The following FRAS1 variants were observed in gnomAD, a reference collection of about 807,000 sequenced individuals.
FRAS1 encodes Fraser extracellular matrix complex subunit 1.
In FRAS1, 290 loss-of-function variants were observed where a neutral mutation model predicts 435.2. The ratio of observed to expected loss-of-function variants is 0.67; its 90% CI spans 0.61 to 0.73. FRAS1 has a LOEUF of 0.73. Among genes scored for constraint, FRAS1 ranks in the 30% least tolerant of loss-of-function variants. The pLI is 0.00. For synonymous variants in FRAS1, 1,800 were observed against 1,851.0 expected (o/e 0.97, Z 0.71); for missense variants, 4,860 against 5,001.5 (o/e 0.97, Z 0.85).
Position 78,363,987 on chromosome 4 carries a change from CCACACTGG to C in FRAS1, c.2659_2666del (p.Thr887LeufsTer12). On this transcript the variant is annotated frameshift_variant, in exon 22 of 74. Coordinates refer to ENST00000512123, the MANE Select transcript of FRAS1 (RefSeq NM_025074.7). LOFTEE classifies it high-confidence loss of function. ...CATGTGACACCAACCTCGTGCTGTC[CCACACTGG>C]CACCTGCAGCACCACCTGCTTCCCT... is the stretch of plus-strand genomic sequence containing the variant. The C allele has an allele frequency of 6.2e-7, 1 of 1,611,208 alleles. No homozygotes were observed. Among genetic ancestry groups the C allele is most frequent in the Admixed American group, 1.7e-5 (1 of 59,706 alleles).
chr4:78,444,219 T>A (rs537389480), intron 41 of FRAS1: 13 of 450,196 alleles, frequency 2.9e-5, no homozygotes, highest in African/African-American at 2.4e-4. Context: ...GTGATAAATT[T>A]AAGAAAAAAG....
intron 1 of FRAS1, among the ~76,000 whole-genome samples, chr4:78,058,752 C>A (rs1037957232): frequency 6.6e-6 from 1 of 152,202 alleles, no homozygotes; most frequent in African/African-American, 2.4e-5. Flanking sequence ...AGGCTCCAAG[C>A]TACCTGTAAA....
intron 2 of FRAS1, among the ~76,000 whole-genome samples, chr4:78,111,956 T>A (rs1277162864): frequency 6.6e-6 from 1 of 152,042 alleles, no homozygotes; most frequent in Admixed American, 6.6e-5. Context: ...TAGGCAAAGA[T>A]CCCAGATTAG....
chr4:78,089,084 G>T (rs1318942935), intron 2 of FRAS1, among the ~76,000 whole-genome samples: 1 of 152,004 alleles, frequency 6.6e-6, no homozygotes, highest in East Asian at 1.9e-4. Context: ...ATACACCATG[G>T]AATACTATGC....
chr4:78,492,473 G>A (rs1034335960), intron 59 of FRAS1, among the ~76,000 whole-genome samples: 1 of 151,984 alleles, frequency 6.6e-6, no homozygotes, highest in African/African-American at 2.4e-5. Flanking sequence ...CAGAACAGAG[G>A]CCTCAGAAAT....
In FRAS1 at chr4:78,496,953, A is replaced by G; in HGVS notation, c.9107A>G (p.Asp3036Gly). The G allele has an allele frequency of 6.2e-7, 1 of 1,612,490 alleles. No homozygotes were observed. Among genetic ancestry groups the G allele is most frequent in the Non-Finnish European group, 8.5e-7 (1 of 1,178,780 alleles). ...ATGGCCACCATCACCATATCCAATG[A>G]TGAAGATGGTAACAGAAGAAATTAT... ...NNMATITISN[D>G]EDAPTIEFEE... The change falls in exon 60 of 74, where the codon GAT (aspartate) becomes GGT (glycine). Residue 3036 changes from aspartate to glycine, a missense_variant. Physicochemically the swap from Asp to Gly is moderately conservative, Grantham distance 94. Coordinates refer to ENST00000512123, the MANE Select transcript of FRAS1 (RefSeq NM_025074.7).
At chr4:78,233,071 C>T (rs934744273) in intron 2 of FRAS1, among the ~76,000 whole-genome samples, 10 of 152,340 alleles carry the variant, frequency 6.6e-5, no homozygotes, top group African/African-American at 2.2e-4. Context: ...AAGCCAAGTC[C>T]AGCGACTGAG....
At chr4:78,493,949 T>C (rs980184866) in intron 59 of FRAS1, among the ~76,000 whole-genome samples, 13 of 152,170 alleles carry the variant, frequency 8.5e-5, no homozygotes, top group African/African-American at 3.1e-4. Flanking sequence ...GAGTCAGTTA[T>C]ATCCCTTGGT....
At chr4:78,531,059 C>T (rs551642184) in intron 70 of FRAS1, among the ~76,000 whole-genome samples, 1 of 152,216 alleles carries the variant, frequency 6.6e-6, no homozygotes, top group African/African-American at 2.4e-5. Context: ...CTTCACATCC[C>T]TTGTAAGTTG....
rs753380703 is a variant in FRAS1, at chr4:78,432,544, G to C, written c.5157G>C (p.Leu1719=). 12 of 1,611,936 alleles carry C rather than the reference G, an allele frequency of 7.4e-6. No individual in the cohort carries two copies. In the Admixed American group the frequency reaches 1.7e-4, roughly 22 times the overall value. Residue 1719 remains leucine, a synonymous_variant, in exon 38 of 74, where the codon CTG becomes CTC. Coordinates refer to ENST00000512123, the MANE Select transcript of FRAS1 (RefSeq NM_025074.7). ...RGPRLAAGSS[L]SITVASKSTA... is the part of the protein sequence containing the mutation. ...CTCGACTGGCTGCTGGCTCCTCTCT[G>C]AGCATTACTGTTGCCAGTAAAAGCA...
intron 47 of FRAS1, 71 bp from the exon 48 acceptor site, chr4:78,463,950 C>T: frequency 4.5e-6 from 7 of 1,540,818 alleles, no homozygotes; most frequent in South Asian, 1.1e-5. Flanking sequence ...GAGTATGACA[C>T]TTCCCTAGCC....
chr4:78,506,936 C>G lies in FRAS1; in HGVS notation c.9317-485C>G, dbSNP rs1345557062. On this transcript the variant is annotated intron_variant, in intron 61 of 73. Transcript: ENST00000512123. ...TTGAACCCTCACCTGTTCCAGGTCA[C>G]TCACCCTCCATGTTACCATCTTTGT... Among the ~76,000 whole-genome samples, 5 of 152,296 alleles carry G rather than the reference C, an allele frequency of 3.3e-5. No homozygotes were observed. The East Asian group carries it at 9.6e-4, about 29-fold the overall frequency.
At chr4:78,155,148 G>A (rs1720828763) in intron 2 of FRAS1, among the ~76,000 whole-genome samples, 1 of 152,164 alleles carries the variant, frequency 6.6e-6, no homozygotes, top group African/African-American at 2.4e-5. Flanking sequence ...GGCCATGTTT[G>A]TAGTCCTAGC....
intron 2 of FRAS1, among the ~76,000 whole-genome samples, chr4:78,161,688 T>C (rs950154477): frequency 7.1e-6 from 1 of 140,072 alleles, no homozygotes; most frequent in African/African-American, 2.7e-5. Flanking sequence ...TGTAATACTG[T>C]GCTTTATTGT....
chr4:78,503,232 A>G (rs1720733690), intron 61 of FRAS1, among the ~76,000 whole-genome samples: 1 of 152,184 alleles, frequency 6.6e-6, no homozygotes, highest in African/African-American at 2.4e-5. Flanking sequence ...GGCTTCATAA[A>G]ATGAGTTAGG....
chr4:78,080,738 C>T lies in FRAS1; in HGVS notation c.108+14722C>T, dbSNP rs528191861. Among the ~76,000 whole-genome samples the T allele has an allele frequency of 2.6e-4, 40 of 152,254 alleles. No individual in the cohort carries two copies. The South Asian group carries it at 8.3e-3, about 32-fold the overall frequency. On this transcript the variant is annotated intron_variant, in intron 2 of 73. Coordinates refer to ENST00000512123, the MANE Select transcript of FRAS1 (RefSeq NM_025074.7). Reference sequence around the variant, plus strand: ...TAATTTTGGGCTCACAAATGCTTTACCACTCGAAATTCCTTTATAGTTTTG... The same window carrying T: ...TAATTTTGGGCTCACAAATGCTTTATCACTCGAAATTCCTTTATAGTTTTG...
chr4:78,501,015 A>T (rs2867449), intron 61 of FRAS1, among the ~76,000 whole-genome samples: 1 of 151,728 alleles, frequency 6.6e-6, no homozygotes, highest in Non-Finnish European at 1.5e-5. Context: ...TGTGCGCAAC[A>T]TGCAGGTTTG....
chr4:78,061,884 A>C (rs1202811990), intron 1 of FRAS1, among the ~76,000 whole-genome samples: 1 of 152,148 alleles, frequency 6.6e-6, no homozygotes, highest in East Asian at 1.9e-4. Flanking sequence ...ATATGGGAAC[A>C]TTTGGTCCTT....
intron 17 of FRAS1, among the ~76,000 whole-genome samples, chr4:78,317,800 C>G (rs1729340526): frequency 6.6e-6 from 1 of 152,146 alleles, no homozygotes; most frequent in Non-Finnish European, 1.5e-5. Flanking sequence ...TTTCTCTGCT[C>G]TCTTACCTTT....
Sources: allele counts gnomAD v4.1 joint callset (sites outside exome capture counted in the v4.1 genomes callset), GRCh38; gene constraint gnomAD v4.1.1; transcripts MANE v1.5; gene names NCBI Gene and HGNC (gene_info 2026-07-23, HGNC 2026-07-21).